Variants in FAM184B observed in about 807,000 individuals in gnomAD.
FAM184B encodes the protein protein FAM184B.
A neutral mutation model predicts 135.9 loss-of-function variants in FAM184B; 111 were observed. The ratio of observed to expected loss-of-function variants is 0.82; its 90% CI spans 0.70 to 0.96. The LOEUF is 0.96. FAM184B is among the 40% of genes least tolerant of loss of function. The pLI is 0.00. For missense variants in FAM184B, 1,375 were observed against 1,323.9 expected (o/e 1.04, Z -0.60); for synonymous variants, 552 against 524.8 (o/e 1.05, Z -0.71).
chr4:17,677,532 T>TA (rs1251515440), intron 7 of FAM184B, among the ~76,000 whole-genome samples: 6 of 151,784 alleles, frequency 4.0e-5, no homozygotes, highest in Non-Finnish European at 5.9e-5. Context: ...ACTGAAATGG[T>TA]AAAAAAATTG....
In FAM184B at chr4:17,642,101, A is replaced by ACCT; in HGVS notation, c.2471_2473dup (p.Glu824dup). 6.5e-7 allele frequency: 1 copy of ACCT among 1,531,576 alleles called. No individual in the cohort carries two copies. The highest frequency in any genetic ancestry group is 8.7e-7 in the Non-Finnish European group (1 of 1,145,014). 94.9% of individuals were successfully genotyped at this position (1,531,576 alleles called of 1,614,324 possible). A position where few individuals can be genotyped will look rare whatever the true frequency, so the allele number is the denominator to read the frequency against. On this transcript the variant is annotated inframe_insertion, in exon 13 of 18. Transcript: ENST00000265018. ...CTGCGCCTCCTGCTGATGCTGCTCC[A>ACCT]CCTCCGCGCGCAGCCGCCGCACCGC...
chr4:17,670,399 A>C (rs1716142549), intron 7 of FAM184B, among the ~76,000 whole-genome samples: 1 of 152,194 alleles, frequency 6.6e-6, no homozygotes, highest in Non-Finnish European at 1.5e-5. Context: ...AAAAAACTTA[A>C]AGCAACATGA....
intron 1 of FAM184B, among the ~76,000 whole-genome samples, chr4:17,715,721 G>T (rs1717389110): frequency 1.3e-5 from 2 of 151,986 alleles, no homozygotes; most frequent in African/African-American, 4.8e-5. Flanking sequence ...CATCACATTT[G>T]CATACATCAA....
chr4:17,740,631 A>G (rs1718012413), intron 1 of FAM184B, among the ~76,000 whole-genome samples: 1 of 152,192 alleles, frequency 6.6e-6, no homozygotes, highest in Admixed American at 6.5e-5. Flanking sequence ...CTCACCGTTC[A>G]GGTCACAACA....
chr4:17,669,184 A>G (rs1377184798), intron 7 of FAM184B, among the ~76,000 whole-genome samples: 1 of 152,146 alleles, frequency 6.6e-6, no homozygotes, highest in African/African-American at 2.4e-5. Flanking sequence ...TGTATTTTCA[A>G]ACATGTTGTG....
At chr4:17,741,170 G>A (rs1245001003) in intron 1 of FAM184B, among the ~76,000 whole-genome samples, 1 of 152,142 alleles carries the variant, frequency 6.6e-6, no homozygotes, top group Admixed American at 6.5e-5. Context: ...ACATTCTAGT[G>A]GGAGGATCTG....
At chr4:17,672,056 C>T (rs530673450) in intron 7 of FAM184B, among the ~76,000 whole-genome samples, 1 of 152,024 alleles carries the variant, frequency 6.6e-6, no homozygotes, top group Non-Finnish European at 1.5e-5. Context: ...CCAAGAAGCC[C>T]TAAATACATC....
Position 17,647,732 on chromosome 4 carries a change from A to G in FAM184B, c.2251T>C (p.Leu751=). Residue 751 remains leucine, a synonymous_variant, in exon 12 of 18, where the codon TTG becomes CTG. Coordinates refer to ENST00000265018, the MANE Select transcript of FAM184B (RefSeq NM_015688.2). ...QAACSGHQKD[L]EALQAELRAL... ...CTCAGCTCGGCCTGCAGTGCCTCCA[A>G]GTCCTTCTGGTGCCCAGAACAGGCA... 6.4e-7 allele frequency: 1 copy of G among 1,551,064 alleles called. No individual in the cohort carries two copies. The highest frequency in any genetic ancestry group is 2.4e-5 in the East Asian group (1 of 40,914).
intron 14 of FAM184B, among the ~76,000 whole-genome samples, chr4:17,638,134 CTTTTT>C (rs56926847): frequency 8.2e-5 from 6 of 73,408 alleles, no homozygotes; most frequent in South Asian, 6.9e-4. Context: ...TAACTGTTTG[CTTTTT>C]TTTTTTTTTT....
intron 1 of FAM184B, among the ~76,000 whole-genome samples, chr4:17,732,004 T>A (rs13114620): frequency 0.26 from 40,066 of 151,870 alleles, 5,607 homozygotes; most frequent in Non-Finnish European, 0.31. Context: ...CACAGTGCAA[T>A]CAAACTAGAA....
intron 16 of FAM184B, chr4:17,634,196 G>C (rs1025384989): frequency 3.0e-5 from 7 of 232,544 alleles, no homozygotes; most frequent in Non-Finnish European, 4.9e-5. Context: ...GCCCACCCTA[G>C]CCTCAAATGC....
intron 1 of FAM184B, among the ~76,000 whole-genome samples, chr4:17,715,909 T>G (rs1253561480): frequency 2.0e-5 from 3 of 152,240 alleles, no homozygotes; most frequent in Non-Finnish European, 4.4e-5. Flanking sequence ...GACATGTTTC[T>G]TATTTCACTG....
At chr4:17,744,508 A>C (rs1207518984) in intron 1 of FAM184B, among the ~76,000 whole-genome samples, 1 of 151,428 alleles carries the variant, frequency 6.6e-6, no homozygotes, top group Non-Finnish European at 1.5e-5. Context: ...ACACACACAC[A>C]CACACACCTT....
chr4:17,695,597 C>G, intron 5 of FAM184B, among the ~76,000 whole-genome samples: 1 of 151,828 alleles, frequency 6.6e-6, no homozygotes, highest in East Asian at 1.9e-4. Flanking sequence ...CCTGTGGTGG[C>G]AGTGCAGCTG....
At chr4:17,740,929 A>G (rs749916351) in intron 1 of FAM184B, among the ~76,000 whole-genome samples, 9 of 152,194 alleles carry the variant, frequency 5.9e-5, no homozygotes, top group Non-Finnish European at 1.2e-4. Flanking sequence ...AGGGGAATGA[A>G]TAGCCAACTC....
At chr4:17,724,576 G>C (rs1717600539) in intron 1 of FAM184B, among the ~76,000 whole-genome samples, 1 of 152,126 alleles carries the variant, frequency 6.6e-6, no homozygotes. Context: ...CAAGAAACTT[G>C]GTTCCATGGA....
chr4:17,653,829 T>C (rs1715698869), intron 10 of FAM184B, among the ~76,000 whole-genome samples: 2 of 108,866 alleles, frequency 1.8e-5, no homozygotes, highest in Non-Finnish European at 3.9e-5. Context: ...TCCTGAAATA[T>C]CTGGGTGGGC....
intron 1 of FAM184B, among the ~76,000 whole-genome samples, chr4:17,748,161 T>C (rs1718216376): frequency 1.3e-5 from 2 of 151,472 alleles, no homozygotes; most frequent in Admixed American, 1.3e-4. Flanking sequence ...GCCATTTGTT[T>C]TTTTCTTCAA....
In FAM184B at chr4:17,709,658, A is replaced by C; in HGVS notation, c.142-14T>G. 6.8e-7 allele frequency: 1 copy of C among 1,479,468 alleles called. No individual in the cohort carries two copies. The highest frequency in any genetic ancestry group is 9.0e-7 in the Non-Finnish European group (1 of 1,116,112). The allele number at this position is 1,479,468 out of a possible 1,614,324, so 91.6% of individuals were successfully genotyped here. A position where few individuals can be genotyped will look rare whatever the true frequency, so the allele number is the denominator to read the frequency against. ...GGCATAAATCACCTGCAGGAAAATCAACAGAGCCCAGTTAGGGTGAGGGGG... is the reference window on the plus strand; with the variant it reads ...GGCATAAATCACCTGCAGGAAAATCCACAGAGCCCAGTTAGGGTGAGGGGG... On this transcript the variant is annotated splice_polypyrimidine_tract_variant and intron_variant, in intron 1 of 17. Coordinates refer to ENST00000265018, the MANE Select transcript of FAM184B (RefSeq NM_015688.2).
Sources: allele counts gnomAD v4.1 joint callset (sites outside exome capture counted in the v4.1 genomes callset), GRCh38; gene constraint gnomAD v4.1.1; transcripts MANE v1.5; gene names NCBI Gene and HGNC (gene_info 2026-07-23, HGNC 2026-07-21).